Variants in TRANK1 observed in about 807,000 individuals in gnomAD.
TRANK1 encodes the protein TPR and ankyrin repeat-containing protein 1.
TRANK1 carries 198 observed loss-of-function variants against 266.0 expected under a neutral mutation model. The observed-to-expected ratio is 0.74, with a 90% confidence interval of 0.66 to 0.84. The LOEUF (loss-of-function observed/expected upper bound fraction) is 0.84, where lower values mean the gene tolerates loss of function less well. Ranked by LOEUF, TRANK1 falls within the 40% of genes least tolerant of loss-of-function variation. TRANK1 has a pLI of 0.00. For synonymous variants in TRANK1, 1,396 were observed against 1,384.1 expected (o/e 1.01, Z -0.19); for missense variants, 3,326 against 3,634.6 (o/e 0.92, Z 2.18).
chr3:36,879,794 A>ATAAATATATAAATATATAAATATATG (rs1575249280), intron 8 of TRANK1, among the ~76,000 whole-genome samples: 1 of 47,082 alleles, frequency 2.1e-5, no homozygotes, highest in Non-Finnish European at 3.8e-5. Context: ...ATGTAAATAT[A>ATAAATATATAAATATATAAATATATG]TAAATATACA....
In TRANK1 at chr3:36,857,203, G is replaced by A; in HGVS notation, c.2519C>T (p.Ser840Leu). Residue 840 changes from serine to leucine, a missense_variant, in exon 13 of 24, where the codon TCA (serine) becomes TTA (leucine). Physicochemically the swap from Ser to Leu is moderately radical, Grantham distance 145. Coordinates refer to ENST00000645898, the MANE Select transcript of TRANK1 (RefSeq NM_001329998.2). The surrounding 1 kb of genome is among the most constrained non-coding windows in gnomAD (Gnocchi z 4.3). ...DNMTWEIECT[S>L]EMLKKLSSKV... ...ACTAGACAGCTTCTTCAGCATTTCT[G>A]AAGTGCACTCGATCTCCCAGGTCAT... The A allele has an allele frequency of 6.2e-7, 1 of 1,613,928 alleles. No individual in the cohort carries two copies. Among genetic ancestry groups the A allele is most frequent in the Non-Finnish European group, 8.5e-7 (1 of 1,179,888 alleles).
chr3:36,879,325 T>A (rs2079438536), intron 8 of TRANK1, among the ~76,000 whole-genome samples: 1 of 151,612 alleles, frequency 6.6e-6, no homozygotes, highest in Non-Finnish European at 1.5e-5. Flanking sequence ...GGAAATAATA[T>A]ACCATGGTAT....
chr3:36,937,468 T>C (rs1415140111), intron 1 of TRANK1, among the ~76,000 whole-genome samples: 1 of 152,178 alleles, frequency 6.6e-6, no homozygotes, highest in Non-Finnish European at 1.5e-5. Context: ...AAGGGACTTC[T>C]CCAAGCAAGG....
intron 1 of TRANK1, among the ~76,000 whole-genome samples, chr3:36,914,904 C>T (rs1404929719): frequency 6.6e-6 from 1 of 152,018 alleles, no homozygotes; most frequent in Non-Finnish European, 1.5e-5. Context: ...TCCCAAAATG[C>T]TGGGATTACA....
In TRANK1 at chr3:36,855,265, T is replaced by C; in HGVS notation, c.4457A>G (p.His1486Arg). Residue 1486 changes from histidine to arginine, a missense_variant, in exon 13 of 24, where the codon CAT becomes CGT. By Grantham distance (29) the His-to-Arg change is conservative (BLOSUM62 0). Coordinates refer to ENST00000645898, the MANE Select transcript of TRANK1 (RefSeq NM_001329998.2). ...FRFSDLRSLF[H>R]YASRNTIDKQ... The stretch of plus-strand genomic sequence containing the variant: ...GTCTATGGTGTTTCTGCTGGCATAA[T>C]GGAACAGAGAGCGCAGATCGCTGAA... 1 of 1,614,052 alleles carries C rather than the reference T, an allele frequency of 6.2e-7. No individual in the cohort carries two copies.
chr3:36,828,444 A>C, intron 23 of TRANK1, 69 bp from the exon 24 acceptor site: 1 of 930,646 alleles, frequency 1.1e-6, no homozygotes, highest in Non-Finnish European at 1.7e-6. Context: ...GAAAGAAGGA[A>C]GGAAGGAAGG....
Position 36,887,749 on chromosome 3 carries a change from T to G in TRANK1, c.907+2080A>C, listed in dbSNP as rs2079627913. The stretch of plus-strand genomic sequence containing the variant: ...TGATTATACCAAGGAACTCAAGAAA[T>G]GCTACAATTCTGAGCTTCTGTCTTG... On this transcript the variant is annotated intron_variant, in intron 8 of 23. Transcript: ENST00000645898. Among the ~76,000 whole-genome samples the G allele has an allele frequency of 2.0e-5, 3 of 152,210 alleles. No homozygotes were observed. In the South Asian group the frequency reaches 6.2e-4, roughly 31 times the overall value.
At position 36,832,466 on chromosome 3, in the gene TRANK1, C is replaced by A; in HGVS notation, c.7117G>T (p.Gly2373Cys). 3.7e-6 allele frequency: 6 copies of A among 1,613,918 alleles called. No homozygotes were observed. The highest frequency in any genetic ancestry group is 5.1e-6 in the Non-Finnish European group (6 of 1,179,880). Reference protein sequence around the residue: ...KALESEKDERGRGRGSRIKGI... With the variant: ...KALESEKDERCRGRGSRIKGI... The stretch of plus-strand genomic sequence containing the variant: ...TTTATCCTGCTGCCTCTCCCCCTGC[C>A]CCTTTCATCCTTTTCAGACTCTAGA... Residue 2373 changes from glycine to cysteine, a missense_variant, in exon 22 of 24, where the codon GGC becomes TGC. By Grantham distance (159) the Gly-to-Cys change is radical. Transcript: ENST00000645898.
intron 17 of TRANK1, among the ~76,000 whole-genome samples, chr3:36,843,947 T>A (rs1245331915): frequency 6.6e-6 from 1 of 152,026 alleles, no homozygotes; most frequent in Non-Finnish European, 1.5e-5. Flanking sequence ...CAAAACCCCA[T>A]CCATATTATC....
intron 18 of TRANK1, among the ~76,000 whole-genome samples, chr3:36,839,058 C>T (rs1303066705): frequency 1.3e-5 from 2 of 152,216 alleles, no homozygotes; most frequent in African/African-American, 2.4e-5. Context: ...TACTTCAGGT[C>T]AGAGCCATGG....
intron 21 of TRANK1, among the ~76,000 whole-genome samples, 170 bp from the exon 22 acceptor site, chr3:36,834,089 A>G (rs1270391866): frequency 6.6e-6 from 1 of 152,240 alleles, no homozygotes; most frequent in Non-Finnish European, 1.5e-5. Flanking sequence ...CTTATTTTAC[A>G]CTGTTACCAG....
intron 1 of TRANK1, among the ~76,000 whole-genome samples, chr3:36,932,304 C>T (rs2080371088): frequency 6.6e-6 from 1 of 152,194 alleles, no homozygotes; most frequent in Non-Finnish European, 1.5e-5. Context: ...AGTGCAGTGG[C>T]TCACGCCTGT....
chr3:36,895,336 G>A (rs1253908038), intron 5 of TRANK1, among the ~76,000 whole-genome samples: 1 of 152,164 alleles, frequency 6.6e-6, no homozygotes, highest in East Asian at 1.9e-4. Context: ...TATAAAAAAG[G>A]ATTGTGAAAA....
At chr3:36,896,530 A>ATTGGTAAAT (rs2079792973) in intron 4 of TRANK1, among the ~76,000 whole-genome samples, 1 of 152,246 alleles carries the variant, frequency 6.6e-6, no homozygotes, top group Non-Finnish European at 1.5e-5. Flanking sequence ...AAAAAGGAGT[A>ATTGGTAAAT]CTTTGGTAAA....
At chr3:36,919,876 G>A (rs1239157550) in intron 1 of TRANK1, among the ~76,000 whole-genome samples, 4 of 152,160 alleles carry the variant, frequency 2.6e-5, no homozygotes, top group African/African-American at 9.7e-5. Flanking sequence ...TTGGCCATAT[G>A]AGTGTCCTCT....
chr3:36,856,237 G>A lies in TRANK1; in HGVS notation c.3485C>T (p.Ala1162Val). 1.9e-6 allele frequency: 3 copies of A among 1,613,338 alleles called. No homozygotes were observed. The highest frequency in any genetic ancestry group is 2.5e-6 in the Non-Finnish European group (3 of 1,179,530). The stretch of plus-strand genomic sequence containing the variant: ...TGCTGGCTCCACACCGGCTCCTCCT[G>A]CGCAGGCTTCATACTCCTGCTCATC... ...SIDEQEYEAC[A>V]GGAGVEPAGD... Residue 1162 changes from alanine (A) to valine (V), a missense_variant, in exon 13 of 24, where the codon GCA (alanine) becomes GTA (valine). Transcript: ENST00000645898.
intron 4 of TRANK1, among the ~76,000 whole-genome samples, chr3:36,896,290 G>C (rs747105451): frequency 3.9e-5 from 6 of 152,094 alleles, no homozygotes; most frequent in Non-Finnish European, 5.9e-5. Flanking sequence ...GTGGCCCATC[G>C]ACCTATTGCA....
At chr3:36,906,143 A>AT (rs1191970141) in intron 2 of TRANK1, among the ~76,000 whole-genome samples, 4 of 152,230 alleles carry the variant, frequency 2.6e-5, no homozygotes, top group African/African-American at 4.8e-5. Context: ...CTCTGACACA[A>AT]TTCTGATATG....
chr3:36,855,423 C>G lies in TRANK1; in HGVS notation c.4299G>C (p.Glu1433Asp). 6.2e-7 allele frequency: 1 copy of G among 1,613,982 alleles called. No individual in the cohort carries two copies. Among genetic ancestry groups the G allele is most frequent in the Non-Finnish European group, 8.5e-7 (1 of 1,179,880 alleles). The change falls in exon 13 of 24, where the codon GAG becomes GAC. Residue 1433 changes from glutamate (E) to aspartate (D), a missense_variant. By Grantham distance (45) the Glu-to-Asp change is conservative. Coordinates refer to ENST00000645898, the MANE Select transcript of TRANK1 (RefSeq NM_001329998.2). Reference sequence around the variant, plus strand: ...AGTCTTGAATCTCATCACCATAGAGCTCGTGGATGGACCATGGGAGCACCC... The same window carrying G: ...AGTCTTGAATCTCATCACCATAGAGGTCGTGGATGGACCATGGGAGCACCC... ...KLRVLPWSIH[E>D]LYGDEIQDFT... is the part of the protein sequence containing the mutation.
Sources: allele counts gnomAD v4.1 joint callset (sites outside exome capture counted in the v4.1 genomes callset), GRCh38; gene constraint gnomAD v4.1.1; non-coding constraint Gnocchi (gnomAD v3.1); transcripts MANE v1.5; gene names NCBI Gene and HGNC (gene_info 2026-07-23, HGNC 2026-07-21).